Variants in CXADR observed in about 807,000 individuals in gnomAD.
The protein encoded by CXADR is coxsackievirus and adenovirus receptor.
CXADR carries 20 observed loss-of-function variants against 40.3 expected under a neutral mutation model. That is an observed-to-expected ratio of 0.50 (90% CI 0.35 to 0.72). The LOEUF (loss-of-function observed/expected upper bound fraction) is 0.72, where lower values mean the gene tolerates loss of function less well. Ranked by LOEUF, CXADR falls within the 30% of genes least tolerant of loss-of-function variation. CXADR has a pLI of 0.01. For missense variants in CXADR, 332 were observed against 449.1 expected (o/e 0.74, Z 2.36); for synonymous variants, 150 against 161.3 (o/e 0.93, Z 0.53).
downstream of CXADR, among the ~76,000 whole-genome samples, chr21:17,574,806 A>G (rs913000384): frequency 6.6e-6 from 1 of 152,138 alleles, no homozygotes; most frequent in Non-Finnish European, 1.5e-5. Flanking sequence ...GAAGTTTGTT[A>G]GATATGCAAA....
At chr21:17,622,692 C>A in the CXADR span, among the ~76,000 whole-genome samples, 7 of 152,046 alleles carry the variant, frequency 4.6e-5, no homozygotes, top group African/African-American at 1.7e-4. Context: ...GAGAGTAGAA[C>A]GAAGTTGTTA....
At chr21:17,531,937 G>GT (rs59350424) in intron 1 of CXADR, among the ~76,000 whole-genome samples, 89,572 of 140,844 alleles carry the variant, frequency 0.64, 29,453 homozygotes, top group South Asian at 0.76. Flanking sequence ...TGTTTTTTGG[G>GT]TTTTTTTTTT....
At chr21:17,621,280 A>G in the CXADR span, among the ~76,000 whole-genome samples, 8 of 152,200 alleles carry the variant, frequency 5.3e-5, no homozygotes, top group African/African-American at 9.6e-5. Flanking sequence ...GCATGCTTTT[A>G]TTAAGAAAAC....
the CXADR span, among the ~76,000 whole-genome samples, chr21:17,602,505 T>C: frequency 6.6e-6 from 1 of 152,214 alleles, no homozygotes; most frequent in Non-Finnish European, 1.5e-5. Flanking sequence ...AAAATATTTC[T>C]CAATGTCTTT....
intron 1 of CXADR, among the ~76,000 whole-genome samples, chr21:17,534,688 A>G (rs919933454): frequency 6.6e-6 from 1 of 152,078 alleles, no homozygotes; most frequent in Non-Finnish European, 1.5e-5. Context: ...ACAAAATTAC[A>G]CTTGTCTTTA....
intron 7 of CXADR, among the ~76,000 whole-genome samples, chr21:17,578,188 A>G (rs1013059343): frequency 5.3e-5 from 8 of 152,148 alleles, no homozygotes; most frequent in African/African-American, 1.9e-4. Flanking sequence ...TAATTTTTTG[A>G]GGAATCTCCA....
At chr21:17,608,817 T>TAAA in the CXADR span, 4 of 715,872 alleles carry the variant, frequency 5.6e-6, no homozygotes, top group Non-Finnish European at 6.3e-6. Context: ...ATACTTGTTT[T>TAAA]AAAATGAGTA....
At chr21:17,607,344 T>C in the CXADR span, among the ~76,000 whole-genome samples, 1 of 152,094 alleles carries the variant, frequency 6.6e-6, no homozygotes, top group Non-Finnish European at 1.5e-5. Context: ...CCTCAACAGT[T>C]CTAACTTAAC....
At chr21:17,558,614 G>A (rs115396300) in intron 3 of CXADR, among the ~76,000 whole-genome samples, 2,148 of 152,258 alleles carry the variant, frequency 0.014, 57 homozygotes, top group African/African-American at 0.048. Context: ...GCATGGGGAA[G>A]AATAGCTAAG....
intron 7 of CXADR, among the ~76,000 whole-genome samples, chr21:17,588,209 C>G (rs1194866457): frequency 6.6e-6 from 1 of 152,090 alleles, no homozygotes; most frequent in Non-Finnish European, 1.5e-5. Context: ...ATTGAGTTGG[C>G]AATGCGGGCT....
downstream of CXADR, among the ~76,000 whole-genome samples, chr21:17,573,734 C>T (rs137943904): frequency 5.3e-5 from 8 of 152,212 alleles, no homozygotes; most frequent in African/African-American, 1.9e-4. Flanking sequence ...TGTGGTGAAA[C>T]CCCATCTCTA....
intron 1 of CXADR, among the ~76,000 whole-genome samples, chr21:17,532,490 A>C (rs1164111471): frequency 7.4e-6 from 1 of 135,798 alleles, no homozygotes; most frequent in Non-Finnish European, 1.7e-5. Context: ...CACTGTGGTC[A>C]GATAATATCC....
the CXADR span, chr21:17,609,287 C>G: frequency 1.5e-5 from 13 of 845,844 alleles, 1 homozygote; most frequent in Admixed American, 2.1e-4. Context: ...TGGCTTATAT[C>G]TGAAGTAGAG....
At chr21:17,544,865 A>G (rs7278496) in intron 1 of CXADR, among the ~76,000 whole-genome samples, 32,011 of 152,032 alleles carry the variant, frequency 0.21, 3,430 homozygotes, top group East Asian at 0.23. Flanking sequence ...TTCTCAGTCT[A>G]TTGGCTTTGA....
intron 1 of CXADR, among the ~76,000 whole-genome samples, chr21:17,532,962 T>G (rs929230386): frequency 6.6e-6 from 1 of 152,200 alleles, no homozygotes; most frequent in Non-Finnish European, 1.5e-5. Context: ...TCCTACTGTT[T>G]AAGAAATGTC....
chr21:17,611,711 C>A, the CXADR span: 1 of 152,252 alleles, frequency 6.6e-6, no homozygotes, highest in East Asian at 1.9e-4. Flanking sequence ...CATCCTGGGA[C>A]CTCGTCACCG....
Position 17,567,228 on chromosome 21 carries a change from C to T in CXADR, c.*1536C>T. The T allele has an allele frequency of 1.0e-6, 1 of 985,310 alleles. No individual in the cohort carries two copies. Among genetic ancestry groups the T allele is most frequent in the Non-Finnish European group, 1.2e-6 (1 of 829,920 alleles). The allele number at this position is 985,310 out of a possible 1,614,324, so 61.0% of individuals were successfully genotyped here. The stretch of plus-strand genomic sequence containing the variant: ...TCTTTGGGTGCTGTGGTGGTAAATG[C>T]TATATTATGAACGGTGGCATGTATT... On this transcript the variant is annotated 3_prime_UTR_variant, in exon 7 of 7. Transcript: ENST00000284878.
the CXADR span, among the ~76,000 whole-genome samples, chr21:17,628,971 C>T: frequency 6.6e-6 from 1 of 152,092 alleles, no homozygotes; most frequent in Non-Finnish European, 1.5e-5. Flanking sequence ...TGATCTCATC[C>T]AAAAACACCC....
At chr21:17,514,072 A>G (rs1408355378) in intron 1 of CXADR, among the ~76,000 whole-genome samples, 1 of 152,240 alleles carries the variant, frequency 6.6e-6, no homozygotes, top group Non-Finnish European at 1.5e-5. Context: ...CGGATTTTCC[A>G]TGTCGGTGTT....
Sources: allele counts gnomAD v4.1 joint callset (sites outside exome capture counted in the v4.1 genomes callset), GRCh38; gene constraint gnomAD v4.1.1; transcripts MANE v1.5; gene names NCBI Gene and HGNC (gene_info 2026-07-23, HGNC 2026-07-21).